HPSE2: variants seen among roughly 807,000 people sequenced by gnomAD.
HPSE2 encodes inactive heparanase-2.
In HPSE2, 38 loss-of-function variants were observed where a neutral mutation model predicts 60.5. The ratio of observed to expected loss-of-function variants is 0.63; its 90% CI spans 0.48 to 0.82. HPSE2 has a LOEUF of 0.82. Ranked by LOEUF, HPSE2 falls within the 40% of genes least tolerant of loss-of-function variation. The pLI, the probability that HPSE2 is intolerant of heterozygous loss-of-function variation, is 0.00. For missense variants in HPSE2, 713 were observed against 740.4 expected (o/e 0.96, Z 0.43); for synonymous variants, 295 against 293.2 (o/e 1.01, Z -0.06).
chr10:99,133,004 T>G (rs1397675984), intron 3 of HPSE2, among the ~76,000 whole-genome samples: 1 of 152,208 alleles, frequency 6.6e-6, no homozygotes, highest in Non-Finnish European at 1.5e-5. Context: ...AAAATCTCAC[T>G]GCCAGCACAC....
rs369845218 is a variant in HPSE2 at position 98,707,099 on chromosome 10, G to A, written c.957-13152C>T. ...ATGGGAGGCTTTGAAATGTAGGAAT[G>A]AAAAAAAAAAGGCCCACTTTAGAAA... On this transcript the variant is annotated intron_variant, in intron 5 of 11. Transcript: ENST00000370552. Among the ~76,000 whole-genome samples, 554 of 148,088 alleles carry A rather than the reference G, an allele frequency of 3.7e-3. 4 individuals are homozygous for A. The highest frequency in any genetic ancestry group is 0.013 in the African/African-American group (533 of 40,282).
At chr10:99,185,416 T>C (rs967719910) in intron 2 of HPSE2, among the ~76,000 whole-genome samples, 5 of 151,944 alleles carry the variant, frequency 3.3e-5, no homozygotes, top group African/African-American at 9.7e-5. Context: ...CATAACCGAA[T>C]TGCCAAAAAC....
chr10:99,234,275 C>T (rs2133956117), intron 1 of HPSE2, among the ~76,000 whole-genome samples: 1 of 152,314 alleles, frequency 6.6e-6, no homozygotes, highest in African/African-American at 2.4e-5. Context: ...GGAAGGAGCG[C>T]TCCACGTGGC....
intron 9 of HPSE2, among the ~76,000 whole-genome samples, chr10:98,599,283 G>A (rs1403509577): frequency 6.6e-6 from 1 of 152,218 alleles, no homozygotes; most frequent in Non-Finnish European, 1.5e-5. Flanking sequence ...TGCTAGACGG[G>A]TCTAGAGTCT....
Position 98,736,255 on chromosome 10 carries a change from T to C in HPSE2, c.784+7628A>G, listed in dbSNP as rs748996158. On this transcript the variant is annotated intron_variant, in intron 4 of 11. Coordinates refer to ENST00000370552, the MANE Select transcript of HPSE2 (RefSeq NM_021828.5). ...GTTCTGGCTGCTGCCATTTAAGACA[T>C]GCCTTTCACCTTCTGCCATGATTGT... 1.1e-4 allele frequency among the ~76,000 whole-genome samples: 17 copies of C among 151,828 alleles called. 1 individual carries two copies. Among genetic ancestry groups the C allele is most frequent in the South Asian group, 6.2e-4 (3 of 4,804 alleles).
chr10:98,774,028 C>T (rs566821678), intron 3 of HPSE2, among the ~76,000 whole-genome samples: 5 of 152,150 alleles, frequency 3.3e-5, no homozygotes, highest in South Asian at 2.1e-4. Flanking sequence ...TGTGTCACTG[C>T]ACTCCAGTAT....
intron 11 of HPSE2, among the ~76,000 whole-genome samples, chr10:98,479,250 T>C (rs964337681): frequency 6.6e-6 from 1 of 152,192 alleles, no homozygotes; most frequent in Admixed American, 6.5e-5. Flanking sequence ...CTATATCCTC[T>C]TCCTGGTTCC....
chr10:99,187,420 A>C (rs1477448318), intron 2 of HPSE2, among the ~76,000 whole-genome samples: 1 of 152,234 alleles, frequency 6.6e-6, no homozygotes, highest in African/African-American at 2.4e-5. Context: ...CAAAATTTAA[A>C]ACTTTTACTC....
chr10:99,093,587 T>C (rs1843594102), intron 3 of HPSE2, among the ~76,000 whole-genome samples: 1 of 152,186 alleles, frequency 6.6e-6, no homozygotes, highest in Non-Finnish European at 1.5e-5. Flanking sequence ...TCTTCCAAGA[T>C]GGTGCCTTGC....
At chr10:98,974,189 T>C (rs1411039012) in intron 3 of HPSE2, among the ~76,000 whole-genome samples, 3 of 151,958 alleles carry the variant, frequency 2.0e-5, no homozygotes, top group Non-Finnish European at 4.4e-5. Context: ...CTACTCAGCC[T>C]GAGGCAGGAG....
intron 3 of HPSE2, among the ~76,000 whole-genome samples, chr10:98,890,282 T>A (rs952434800): frequency 6.6e-6 from 1 of 152,154 alleles, no homozygotes; most frequent in Non-Finnish European, 1.5e-5. Flanking sequence ...ATTTGTGGTA[T>A]CATTGATTGT....
At chr10:98,739,891 T>G (rs1949453769) in intron 4 of HPSE2, among the ~76,000 whole-genome samples, 1 of 152,142 alleles carries the variant, frequency 6.6e-6, no homozygotes, top group Non-Finnish European at 1.5e-5. Context: ...AGTATAGCTC[T>G]CTAGAGAACA....
At chr10:99,288,997 T>A in the HPSE2 span, among the ~76,000 whole-genome samples, 1 of 152,176 alleles carries the variant, frequency 6.6e-6, no homozygotes, top group African/African-American at 2.4e-5. Context: ...AAATCTAATA[T>A]AATTAAATTG....
At chr10:98,618,457 T>C (rs772061684) in intron 8 of HPSE2, among the ~76,000 whole-genome samples, 28 of 152,164 alleles carry the variant, frequency 1.8e-4, no homozygotes, top group Non-Finnish European at 2.9e-4. Context: ...TAGTGAGTGC[T>C]GAGCAAATGC....
At chr10:99,196,378 G>C (rs557449403) in intron 2 of HPSE2, among the ~76,000 whole-genome samples, 11 of 152,132 alleles carry the variant, frequency 7.2e-5, no homozygotes, top group African/African-American at 2.6e-4. Context: ...AAGTTAAAAA[G>C]CTTCTGCACA....
chr10:98,520,833 C>G (rs1471869289), intron 9 of HPSE2, among the ~76,000 whole-genome samples: 1 of 152,122 alleles, frequency 6.6e-6, no homozygotes, highest in African/African-American at 2.4e-5. Context: ...AGAAATAACA[C>G]CACACATCTA....
chr10:99,174,963 G>A (rs1384099968), intron 2 of HPSE2, among the ~76,000 whole-genome samples: 1 of 152,178 alleles, frequency 6.6e-6, no homozygotes, highest in Non-Finnish European at 1.5e-5. Context: ...CCCATGGAAG[G>A]CGAGCAGAAG....
intron 3 of HPSE2, among the ~76,000 whole-genome samples, chr10:99,116,089 A>G (rs568130150): frequency 1.4e-4 from 21 of 152,300 alleles, no homozygotes; most frequent in Non-Finnish European, 2.6e-4. Context: ...CAAAATGTTT[A>G]GCTAAAATAT....
intron 3 of HPSE2, among the ~76,000 whole-genome samples, chr10:98,794,339 G>T (rs530004845): frequency 6.6e-6 from 1 of 151,844 alleles, no homozygotes; most frequent in South Asian, 2.1e-4. Flanking sequence ...TGCCTCCCAG[G>T]TTCAAGAGAT....
Sources: gnomAD v4.1 joint callset for allele counts (sites outside exome capture counted in the v4.1 genomes callset) on GRCh38, gnomAD v4.1.1 for gene constraint, MANE v1.5 for transcripts, NCBI Gene and HGNC (gene_info 2026-07-23, HGNC 2026-07-21) for gene names.